FAM149A: variants seen among roughly 807,000 people sequenced by gnomAD.
The protein encoded by FAM149A is family with sequence similarity 149 member A.
A neutral mutation model predicts 78.2 loss-of-function variants in FAM149A; 71 were observed. The ratio of observed to expected loss-of-function variants is 0.91; its 90% CI spans 0.75 to 1.11. The LOEUF is 1.11. Among genes scored for constraint, FAM149A ranks in the 50% least tolerant of loss-of-function variants. The probability of loss-of-function intolerance (pLI) is 0.00; values close to 1 mark genes in which losing one functional copy is unlikely to be tolerated. For synonymous variants in FAM149A, 446 were observed against 410.5 expected (o/e 1.09, Z -1.04); for missense variants, 1,036 against 971.0 (o/e 1.07, Z -0.89).
At chr4:186,139,664 A>G (rs968851600) in intron 1 of FAM149A, among the ~76,000 whole-genome samples, 1 of 152,314 alleles carries the variant, frequency 6.6e-6, no homozygotes, top group South Asian at 2.1e-4. Context: ...TCTGTTGTTT[A>G]TAAGTCACCC....
intron 1 of FAM149A, among the ~76,000 whole-genome samples, chr4:186,108,850 G>GT (rs199914588): frequency 0.012 from 1,751 of 140,486 alleles, 7 homozygotes; most frequent in South Asian, 0.032. Context: ...TCAATCTCTG[G>GT]TTTTTTTTTT....
At position 186,117,982 on chromosome 4, in the gene FAM149A, G is replaced by A. The variant is rs1453056265; in HGVS notation, c.566+12340G>A. 6.1e-6 allele frequency: 6 copies of A among 985,296 alleles called. No individual in the cohort carries two copies. The Admixed American group carries it at 3.7e-4, about 61-fold the overall frequency. The allele number at this position is 985,296 out of a possible 1,614,324, so 61.0% of individuals were successfully genotyped here. ...CTCATAAAGGGGGACCACAGAAGATGCGGGTTTGTCATGCAGATGAGGAGT... is the reference window on the plus strand; with the variant it reads ...CTCATAAAGGGGGACCACAGAAGATACGGGTTTGTCATGCAGATGAGGAGT... On this transcript the variant is annotated intron_variant, in intron 1 of 13. Transcript: ENST00000389354.
At position 186,105,069 on chromosome 4, in the gene FAM149A, G is replaced by C. The variant is rs2099308208; in HGVS notation, c.-8G>C. ...CGGCGGCGAGGACGGCGTGTCCACT[G>C]TCGAGGCATGAAGGCTGCTGTGCTG... is the stretch of plus-strand genomic sequence containing the variant. On this transcript the variant is annotated 5_prime_UTR_variant, in exon 1 of 14. Transcript: ENST00000389354. The C allele has an allele frequency of 1.6e-6, 2 of 1,271,120 alleles. No homozygotes were observed. The allele number at this position is 1,271,120 out of a possible 1,614,324, so 78.7% of individuals were successfully genotyped here.
intron 1 of FAM149A, chr4:186,133,153 A>G (rs1292360897): frequency 2.0e-6 from 2 of 985,272 alleles, no homozygotes; most frequent in Non-Finnish European, 2.4e-6. Context: ...CACCCTACAC[A>G]CTACATTCTG....
chr4:186,139,215 T>A (rs2126403692), intron 1 of FAM149A, among the ~76,000 whole-genome samples: 1 of 152,296 alleles, frequency 6.6e-6, no homozygotes, highest in African/African-American at 2.4e-5. Flanking sequence ...TCCTACAGTC[T>A]GGCAGTACAA....
At chr4:186,132,687 C>T (rs919842618) in intron 1 of FAM149A, among the ~76,000 whole-genome samples, 9 of 152,178 alleles carry the variant, frequency 5.9e-5, no homozygotes, top group African/African-American at 1.2e-4. Flanking sequence ...ATGGCCAATT[C>T]GGTGCTTGTC....
intron 1 of FAM149A, among the ~76,000 whole-genome samples, chr4:186,142,769 C>T (rs1354487319): frequency 2.0e-5 from 3 of 151,778 alleles, no homozygotes; most frequent in South Asian, 4.1e-4. Context: ...CTTAGAGCCT[C>T]CACACCAGAC....
chr4:186,147,587 A>G (rs2126445715), intron 1 of FAM149A, among the ~76,000 whole-genome samples: 1 of 152,296 alleles, frequency 6.6e-6, no homozygotes, highest in South Asian at 2.1e-4. Flanking sequence ...ACAAAAGAAC[A>G]ATGTTTTAGC....
intron 1 of FAM149A, among the ~76,000 whole-genome samples, chr4:186,135,611 T>C (rs2099322365): frequency 6.6e-6 from 1 of 152,202 alleles, no homozygotes; most frequent in African/African-American, 2.4e-5. Flanking sequence ...CTTGCTAACA[T>C]TGAACTCACC....
At chr4:186,139,555 A>G (rs1317370573) in intron 1 of FAM149A, among the ~76,000 whole-genome samples, 1 of 152,212 alleles carries the variant, frequency 6.6e-6, no homozygotes, top group Non-Finnish European at 1.5e-5. Context: ...CAGACACTGA[A>G]TCTGCTACCA....
intron 1 of FAM149A, chr4:186,117,518 G>A: frequency 1.0e-6 from 1 of 985,434 alleles, no homozygotes; most frequent in Non-Finnish European, 1.2e-6. Context: ...TCTAAAGAAT[G>A]TCCAAAAGTG....
chr4:186,169,920 G>A, intron 13 of FAM149A: 1 of 985,450 alleles, frequency 1.0e-6, no homozygotes, highest in African/African-American at 1.7e-5. Flanking sequence ...GCTCCAAGAG[G>A]TTTTGCATCT....
intron 8 of FAM149A, 85 bp from the exon 9 acceptor site, chr4:186,162,760 T>G: frequency 1.4e-6 from 1 of 702,598 alleles, no homozygotes. Context: ...TGTTTCCTGC[T>G]GATTTCGGAC....
intron 1 of FAM149A, among the ~76,000 whole-genome samples, chr4:186,136,953 TC>T (rs1280528650): frequency 9.0e-5 from 10 of 111,266 alleles, no homozygotes; most frequent in African/African-American, 2.8e-4. Context: ...TCTCTCTCTC[TC>T]TCTCTCTCTT....
chr4:186,107,269 T>A (rs1295758065), intron 1 of FAM149A, among the ~76,000 whole-genome samples: 1 of 152,238 alleles, frequency 6.6e-6, no homozygotes, highest in Non-Finnish European at 1.5e-5. Flanking sequence ...TAGTTTCAAT[T>A]CTTGAACATA....
In FAM149A at chr4:186,104,773, G is replaced by GGCGGC. The variant is rs548894495; in HGVS notation, c.-303_-302insCGGCG. ...GGCGGGCGGCGGGCGGCGGGCGTCT[G>GGCGGC]GGGCGGGCGGCGGCCGCGCTTCCCG... is the stretch of plus-strand genomic sequence containing the variant. On this transcript the variant is annotated 5_prime_UTR_variant, in exon 1 of 14. Transcript: ENST00000389354. Among the ~76,000 whole-genome samples, 57 of 149,702 alleles carry GGCGGC rather than the reference G, an allele frequency of 3.8e-4. 1 individual carries two copies. The highest frequency in any genetic ancestry group is 1.4e-3 in the African/African-American group (57 of 40,264).
chr4:186,152,071 C>T (rs1390037317), intron 4 of FAM149A, 26 bp downstream of exon 4: 3 of 1,612,002 alleles, frequency 1.9e-6, no homozygotes, highest in Non-Finnish European at 1.7e-6. Context: ...TGGAAGTTCT[C>T]TGGGGTGGGT....
At chr4:186,166,122 C>G (rs76996238) in intron 11 of FAM149A, among the ~76,000 whole-genome samples, 1 of 152,016 alleles carries the variant, frequency 6.6e-6, no homozygotes, top group Non-Finnish European at 1.5e-5. Context: ...CCAGGCAGCC[C>G]CCAGGTTTAC....
At chr4:186,152,091 A>G (rs779957273) in intron 4 of FAM149A, 46 bp downstream of exon 4, 1 of 1,597,468 alleles carries the variant, frequency 6.3e-7, no homozygotes, top group East Asian at 2.2e-5. Context: ...TTTTCCAAGC[A>G]CCCACCCCTG....
Sources: allele counts gnomAD v4.1 joint callset (sites outside exome capture counted in the v4.1 genomes callset), GRCh38; gene constraint gnomAD v4.1.1; transcripts MANE v1.5; gene names NCBI Gene and HGNC (gene_info 2026-07-23, HGNC 2026-07-21).